Variants in SYK observed in about 807,000 individuals in gnomAD.
SYK encodes tyrosine-protein kinase SYK.
A neutral mutation model predicts 77.8 loss-of-function variants in SYK; 16 were observed. The ratio of observed to expected loss-of-function variants is 0.21; its 90% CI spans 0.14 to 0.31. The LOEUF is 0.31. SYK is among the 10% of genes least tolerant of loss of function. The probability of loss-of-function intolerance (pLI) is 1.00; values close to 1 mark genes in which losing one functional copy is unlikely to be tolerated. For synonymous variants in SYK, 312 were observed against 308.7 expected (o/e 1.01, Z -0.11); for missense variants, 529 against 814.4 (o/e 0.65, Z 4.26).
At chr9:90,804,326 CAG>C (rs1017429661) in intron 1 of SYK, among the ~76,000 whole-genome samples, 12 of 152,284 alleles carry the variant, frequency 7.9e-5, no homozygotes, top group Admixed American at 3.9e-4. Context: ...TTTAGAGAAA[CAG>C]AGCAGAAGTT....
At chr9:90,834,681 T>C (rs1043978980) in intron 1 of SYK, among the ~76,000 whole-genome samples, 1 of 152,238 alleles carries the variant, frequency 6.6e-6, no homozygotes, top group African/African-American at 2.4e-5. Flanking sequence ...CCACATGTGG[T>C]CCAGGATAGC....
chr9:90,886,472 G>A (rs186780175), intron 11 of SYK, among the ~76,000 whole-genome samples: 31 of 152,310 alleles, frequency 2.0e-4, no homozygotes, highest in African/African-American at 7.2e-4. Flanking sequence ...TTGGAAGCCC[G>A]AGGCAGGCAG....
At chr9:90,842,154 G>T (rs1826386729) in intron 1 of SYK, among the ~76,000 whole-genome samples, 5 of 151,078 alleles carry the variant, frequency 3.3e-5, no homozygotes. Context: ...TGCAGTGTGT[G>T]TTGTTTGTAG....
chr9:90,867,056 T>A, intron 6 of SYK, 75 bp from the exon 7 acceptor site: 1 of 1,550,284 alleles, frequency 6.5e-7, no homozygotes, highest in African/African-American at 1.4e-5. Context: ...CAAATTTAAG[T>A]AGCATGTCGT....
rs1340576021 is a variant in SYK at position 90,897,714 on chromosome 9, G to A, written c.*2114G>A. 1 of 224,816 alleles carries A rather than the reference G, an allele frequency of 4.4e-6. No individual in the cohort carries two copies. The highest frequency in any genetic ancestry group is 8.9e-6 in the Non-Finnish European group (1 of 112,674). The allele number at this position is 224,816 out of a possible 1,614,324, so 13.9% of individuals were successfully genotyped here. ...CATCCAGAATGTGATGGGACAAGATGGGGGCAGGGGCCTCACCTCCCTGCA... is the reference window on the plus strand; with the variant it reads ...CATCCAGAATGTGATGGGACAAGATAGGGGCAGGGGCCTCACCTCCCTGCA... On this transcript the variant is annotated 3_prime_UTR_variant, in exon 14 of 14. Coordinates refer to ENST00000375754, the MANE Select transcript of SYK (RefSeq NM_003177.7).
intron 3 of SYK, among the ~76,000 whole-genome samples, chr9:90,848,493 C>T (rs183264130): frequency 6.6e-5 from 10 of 152,330 alleles, no homozygotes; most frequent in Admixed American, 3.3e-4. Flanking sequence ...TTATTTGCAA[C>T]GAATAGCCAC....
rs1827529993 is a variant in SYK at position 90,867,127 on chromosome 9, C to T, written c.847-4C>T. The T allele has an allele frequency of 6.2e-7, 1 of 1,614,122 alleles. No homozygotes were observed. ...CTGTTCCTCTTTGCCGTTGTGGTTT[C>T]TAGACTTGGTCAGCGGGTGGAATAA... is the stretch of plus-strand genomic sequence containing the variant. On this transcript the variant is annotated splice_polypyrimidine_tract_variant and splice_region_variant and intron_variant, in intron 6 of 13. Coordinates refer to ENST00000375754, the MANE Select transcript of SYK (RefSeq NM_003177.7).
In SYK at chr9:90,859,357, G is replaced by C. The variant is rs145536711; in HGVS notation, c.579-2849G>C. Among the ~76,000 whole-genome samples, 18 of 152,240 alleles carry C rather than the reference G, an allele frequency of 1.2e-4. No individual in the cohort carries two copies. In the East Asian group the frequency reaches 3.5e-3, roughly 29 times the overall value. On this transcript the variant is annotated intron_variant, in intron 3 of 13. Coordinates refer to ENST00000375754, the MANE Select transcript of SYK (RefSeq NM_003177.7). ...AGGTGTACATCACTAGATAAAACAG[G>C]TGGCTTTTGTCTGTTTGGGGACTTT...
At chr9:90,822,596 C>T (rs542128003) in intron 1 of SYK, among the ~76,000 whole-genome samples, 25 of 152,308 alleles carry the variant, frequency 1.6e-4, no homozygotes, top group Non-Finnish European at 3.4e-4. Context: ...CTTGCACCTG[C>T]GGATGCTGGA....
Position 90,847,587 on chromosome 9 carries a change from A to G in SYK, c.578+1993A>G, listed in dbSNP as rs1412256041. Among the ~76,000 whole-genome samples, 3 of 152,362 alleles carry G rather than the reference A, an allele frequency of 2.0e-5. No homozygotes were observed. The Middle Eastern group carries it at 0.01, about 518-fold the overall frequency. ...ACCTGCAGGGCTCACCTGTGGACTG[A>G]TGGTGCATAGCACCCCATGCCCAGG... is the stretch of plus-strand genomic sequence containing the variant. On this transcript the variant is annotated intron_variant, in intron 3 of 13. Coordinates refer to ENST00000375754, the MANE Select transcript of SYK (RefSeq NM_003177.7).
intron 1 of SYK, among the ~76,000 whole-genome samples, chr9:90,831,009 AG>A (rs1428987718): frequency 1.3e-5 from 2 of 152,190 alleles, no homozygotes; most frequent in Non-Finnish European, 2.9e-5. Context: ...CTTTGCATTG[AG>A]GGGGCTGTGT....
chr9:90,828,281 G>A (rs1166386731), intron 1 of SYK, among the ~76,000 whole-genome samples: 1 of 135,708 alleles, frequency 7.4e-6, no homozygotes, highest in Non-Finnish European at 1.5e-5. Context: ...AGTAGGAAAG[G>A]ATCTTGGGAT....
chr9:90,889,716 G>A (rs925304905), intron 13 of SYK, among the ~76,000 whole-genome samples: 5 of 152,238 alleles, frequency 3.3e-5, no homozygotes, highest in Admixed American at 2.0e-4. Flanking sequence ...CCTGGGCCCC[G>A]GAGCATCTTC....
intron 1 of SYK, among the ~76,000 whole-genome samples, chr9:90,817,444 T>A (rs1443476350): frequency 6.6e-6 from 1 of 152,230 alleles, no homozygotes; most frequent in African/African-American, 2.4e-5. Context: ...CTGTCCCCCA[T>A]GCTGCCTGCA....
chr9:90,839,159 G>A (rs375458404), intron 1 of SYK, among the ~76,000 whole-genome samples: 2 of 152,286 alleles, frequency 1.3e-5, no homozygotes, highest in South Asian at 2.1e-4. Flanking sequence ...ACAAGGCCCC[G>A]GGTGGGTGCC....
chr9:90,828,612 A>G (rs1192929510), intron 1 of SYK, among the ~76,000 whole-genome samples: 2 of 152,150 alleles, frequency 1.3e-5, no homozygotes, highest in Non-Finnish European at 2.9e-5. Context: ...GGACATTGCT[A>G]AGTGGCAATT....
At chr9:90,829,959 A>G (rs1376302851) in intron 1 of SYK, among the ~76,000 whole-genome samples, 4 of 152,200 alleles carry the variant, frequency 2.6e-5, no homozygotes, top group Non-Finnish European at 4.4e-5. Flanking sequence ...TGCACTTTCA[A>G]TCTTTTAAGT....
intron 1 of SYK, among the ~76,000 whole-genome samples, chr9:90,805,776 A>G (rs1824809326): frequency 6.6e-6 from 1 of 152,140 alleles, no homozygotes; most frequent in African/African-American, 2.4e-5. Context: ...CTTTTTGTTT[A>G]ATTTTAATTT....
At chr9:90,842,758 A>AGTGTGTGTGT (rs60139969) in intron 1 of SYK, among the ~76,000 whole-genome samples, 3 of 58,350 alleles carry the variant, frequency 5.1e-5, no homozygotes, top group Non-Finnish European at 1.2e-4. Context: ...GTATGGAGAG[A>AGTGTGTGTGT]GTGTGTGTGT....
Sources: allele counts gnomAD v4.1 joint callset (sites outside exome capture counted in the v4.1 genomes callset), GRCh38; gene constraint gnomAD v4.1.1; transcripts MANE v1.5; gene names NCBI Gene and HGNC (gene_info 2026-07-23, HGNC 2026-07-21).